PDE8A: variants seen among roughly 807,000 people sequenced by gnomAD.
The protein encoded by PDE8A is high affinity cAMP-specific and IBMX-insensitive 3',5'-cyclic phosphodiesterase 8A.
Under a neutral mutation model 105.0 loss-of-function variants are expected in PDE8A, and 59 were observed. That is an observed-to-expected ratio of 0.56 (90% CI 0.46 to 0.70). The LOEUF (loss-of-function observed/expected upper bound fraction) is 0.70, where lower values mean the gene tolerates loss of function less well. Ranked by LOEUF, PDE8A falls within the 30% of genes least tolerant of loss-of-function variation. The probability of loss-of-function intolerance (pLI) is 0.00; values close to 1 mark genes in which losing one functional copy is unlikely to be tolerated. For missense variants in PDE8A, 1,014 were observed against 1,045.9 expected, an observed-to-expected ratio of 0.97 and a Z score of 0.42; for synonymous variants, 355 against 371.9, an observed-to-expected ratio of 0.95 and a Z score of 0.52.
chr15:85,089,459 G>C (rs1361246730), intron 7 of PDE8A, 43 bp downstream of exon 7: 1 of 1,202,788 alleles, frequency 8.3e-7, no homozygotes, highest in Non-Finnish European at 1.2e-6. Flanking sequence ...TTCTTGTTTT[G>C]CTTTTTCCAA....
chr15:84,982,427 G>A (rs1485225107), intron 1 of PDE8A, 79 bp downstream of exon 1: 15 of 955,312 alleles, frequency 1.6e-5, no homozygotes, highest in Non-Finnish European at 1.9e-5. Flanking sequence ...GGGGCCGGGC[G>A]GGGTCCCCCC....
chr15:85,102,009 A>G (rs1187667727), intron 11 of PDE8A, among the ~76,000 whole-genome samples: 3 of 152,192 alleles, frequency 2.0e-5, no homozygotes, highest in Non-Finnish European at 4.4e-5. Context: ...GGTTAGGTCT[A>G]GAGATGAAAA....
chr15:84,981,225 C>T (rs1205984589), upstream of PDE8A, among the ~76,000 whole-genome samples: 1 of 152,220 alleles, frequency 6.6e-6, no homozygotes, highest in African/African-American at 2.4e-5. Context: ...GTAGCCCAGT[C>T]GGGCGCCCCG....
chr15:85,093,568 C>CGTT (rs2081685929), intron 8 of PDE8A, among the ~76,000 whole-genome samples: 1 of 151,716 alleles, frequency 6.6e-6, no homozygotes, highest in East Asian at 1.9e-4. Flanking sequence ...TGAAGTTTGA[C>CGTT]CTTGGGGCAG....
intron 1 of PDE8A, among the ~76,000 whole-genome samples, chr15:85,002,455 C>T (rs368317544): frequency 3.9e-5 from 6 of 152,154 alleles, no homozygotes; most frequent in East Asian, 3.8e-4. Context: ...GAGTTGGGTG[C>T]GCCACCCTCT....
At chr15:85,086,966 T>A (rs10852130) in intron 6 of PDE8A, among the ~76,000 whole-genome samples, 2 of 151,260 alleles carry the variant, frequency 1.3e-5, no homozygotes, top group Non-Finnish European at 2.9e-5. Flanking sequence ...GTTTCACCAT[T>A]TTGGTCAGGC....
chr15:85,123,337 TACACACACACACACACACACACACACAC>T (rs58421452), intron 19 of PDE8A, 144 bp downstream of exon 19: 29 of 330,346 alleles, frequency 8.8e-5, no homozygotes, highest in Admixed American at 4.3e-4. Context: ...ACTAATGGGA[TACACACACACACACACACACACACACAC>T]ACACACACAC....
intron 5 of PDE8A, among the ~76,000 whole-genome samples, chr15:85,082,390 T>C (rs1420578702): frequency 6.6e-6 from 1 of 152,226 alleles, no homozygotes; most frequent in South Asian, 2.1e-4. Flanking sequence ...ATCATGTCTT[T>C]TTATTCTCGG....
At chr15:85,040,292 G>A (rs1488482111) in intron 1 of PDE8A, among the ~76,000 whole-genome samples, 1 of 93,976 alleles carries the variant, frequency 1.1e-5, no homozygotes, top group African/African-American at 4.5e-5. Context: ...CTGACCTCAG[G>A]TGATCTGCCC....
intron 7 of PDE8A, among the ~76,000 whole-genome samples, chr15:85,089,633 C>G (rs897314446): frequency 6.6e-6 from 1 of 152,014 alleles, no homozygotes; most frequent in African/African-American, 2.4e-5. Flanking sequence ...TAGAAAATGC[C>G]TGTAGAAATG....
At chr15:85,051,854 G>T (rs561069283) in intron 1 of PDE8A, among the ~76,000 whole-genome samples, 2 of 151,868 alleles carry the variant, frequency 1.3e-5, no homozygotes, top group Non-Finnish European at 2.9e-5. Context: ...TAAGTTCTAG[G>T]GTACATGTGC....
At chr15:85,111,351 T>A (rs777230729) in intron 12 of PDE8A, among the ~76,000 whole-genome samples, 1 of 152,218 alleles carries the variant, frequency 6.6e-6, no homozygotes, top group Non-Finnish European at 1.5e-5. Context: ...TATTGTTTTA[T>A]CTTTTGTTTT....
At chr15:85,046,098 C>T (rs557132558) in intron 1 of PDE8A, among the ~76,000 whole-genome samples, 4 of 145,782 alleles carry the variant, frequency 2.7e-5, no homozygotes, top group South Asian at 2.2e-4. Context: ...GACAGAGTCT[C>T]GCCCTGTCAC....
chr15:85,130,271 C>T (rs2082312527), intron 20 of PDE8A, among the ~76,000 whole-genome samples: 1 of 152,152 alleles, frequency 6.6e-6, no homozygotes, highest in Admixed American at 6.5e-5. Flanking sequence ...CCCACCAGAC[C>T]CCACCTCCAG....
intron 6 of PDE8A, among the ~76,000 whole-genome samples, chr15:85,085,548 A>G (rs2081538066): frequency 6.6e-6 from 1 of 151,960 alleles, no homozygotes; most frequent in Non-Finnish European, 1.5e-5. Flanking sequence ...AAATACTAAA[A>G]TTAGCCGGGC....
At chr15:85,005,720 C>T (rs1204063555) in intron 1 of PDE8A, among the ~76,000 whole-genome samples, 1 of 152,166 alleles carries the variant, frequency 6.6e-6, no homozygotes, top group East Asian at 1.9e-4. Context: ...CTGATTCATT[C>T]CTCTCAGAAT....
At chr15:85,083,509 A>G (rs764204364) in intron 5 of PDE8A, 47 bp from the exon 6 acceptor site, 1 of 1,142,636 alleles carries the variant, frequency 8.8e-7, no homozygotes, top group South Asian at 1.3e-5. Context: ...TGGCACAAAT[A>G]AAGAAGCACT....
intron 14 of PDE8A, among the ~76,000 whole-genome samples, chr15:85,114,534 C>T (rs1373802561): frequency 6.6e-6 from 1 of 152,146 alleles, no homozygotes; most frequent in East Asian, 1.9e-4. Context: ...GTGTCATAGA[C>T]TCTTGAGGGG....
Position 84,982,339 on chromosome 15 carries a change from C to T in PDE8A, c.177C>T (p.Ser59=), listed in dbSNP as rs2079728070. 1.5e-5 allele frequency: 20 copies of T among 1,326,858 alleles called. No individual in the cohort carries two copies. Among genetic ancestry groups the T allele is most frequent in the Non-Finnish European group, 1.7e-5 (18 of 1,041,808 alleles). The allele number at this position is 1,326,858 out of a possible 1,614,324, so 82.2% of individuals were successfully genotyped here. A position where few individuals can be genotyped will look rare whatever the true frequency, so the allele number is the denominator to read the frequency against. Residue 59 remains serine (S), a synonymous_variant, in exon 1 of 22, where the codon AGC becomes AGT. Coordinates refer to ENST00000394553, the MANE Select transcript of PDE8A (RefSeq NM_002605.3). ...TGGAGTCGGAGCTTCGCGACGGCAG[C>T]GGCAAGAAGGTAAGGGGCGCCGGGC... is the stretch of plus-strand genomic sequence containing the variant. ...GLLESELRDG[S]GKKVAVADVQ...
Sources: gnomAD v4.1 joint callset for allele counts (sites outside exome capture counted in the v4.1 genomes callset) on GRCh38, gnomAD v4.1.1 for gene constraint, MANE v1.5 for transcripts, NCBI Gene and HGNC (gene_info 2026-07-23, HGNC 2026-07-21) for gene names.